PCDH9: variants seen among roughly 807,000 people sequenced by gnomAD.
PCDH9 encodes the protein protocadherin-9.
PCDH9 carries 24 observed loss-of-function variants against 70.6 expected under a neutral mutation model. The ratio of observed to expected loss-of-function variants is 0.34; its 90% CI spans 0.25 to 0.48. The LOEUF is 0.48. PCDH9 is among the 20% of genes least tolerant of loss of function. The pLI is 0.99. For synonymous variants in PCDH9, 562 were observed against 558.5 expected, an observed-to-expected ratio of 1.01 and a Z score of -0.09; for missense variants, 1,281 against 1,503.6, an observed-to-expected ratio of 0.85 and a Z score of 2.45.
At chr13:67,197,320 C>T (rs2089094191) in intron 2 of PCDH9, among the ~76,000 whole-genome samples, 1 of 151,850 alleles carries the variant, frequency 6.6e-6, no homozygotes, top group African/African-American at 2.4e-5. Flanking sequence ...GATAAGGAAG[C>T]TAAACTGTTT....
chr13:66,739,657 C>G (rs1229387808), intron 3 of PCDH9, among the ~76,000 whole-genome samples: 3 of 151,730 alleles, frequency 2.0e-5, no homozygotes, highest in Non-Finnish European at 4.4e-5. Flanking sequence ...ATCTACCAAG[C>G]AAATGGAAAA....
chr13:66,704,923 T>G (rs1458942461), intron 3 of PCDH9, among the ~76,000 whole-genome samples: 2 of 152,186 alleles, frequency 1.3e-5, no homozygotes, highest in East Asian at 3.8e-4. Context: ...TTTCTAATGC[T>G]AAACCCTTTA....
At chr13:66,899,974 A>T (rs1225603622) in intron 3 of PCDH9, among the ~76,000 whole-genome samples, 1 of 152,000 alleles carries the variant, frequency 6.6e-6, no homozygotes, top group East Asian at 1.9e-4. Flanking sequence ...TTACTCTGGG[A>T]TCAGTAATTC....
At position 67,076,465 on chromosome 13, in the gene PCDH9, G is replaced by A. The variant is rs535977058; in HGVS notation, c.3036+148940C>T. On this transcript the variant is annotated intron_variant, in intron 2 of 4. Transcript: ENST00000377865. Reference sequence around the variant, plus strand: ...AAGGGCTACTCAGCTAAAGAGAAGAGAGAAGTTTAAATCACAAGATTTGCA... The same window carrying A: ...AAGGGCTACTCAGCTAAAGAGAAGAAAGAAGTTTAAATCACAAGATTTGCA... 3.9e-5 allele frequency among the ~76,000 whole-genome samples: 6 copies of A among 152,274 alleles called. No individual in the cohort carries two copies. In the East Asian group the frequency reaches 9.6e-4, roughly 24 times the overall value.
intron 3 of PCDH9, among the ~76,000 whole-genome samples, chr13:66,705,516 T>C (rs2078700046): frequency 6.6e-6 from 1 of 152,186 alleles, no homozygotes; most frequent in Admixed American, 6.5e-5. Flanking sequence ...CCTCATCTAT[T>C]TTAGTAAGAG....
chr13:66,815,091 C>T (rs2080577934), intron 3 of PCDH9, among the ~76,000 whole-genome samples: 1 of 152,000 alleles, frequency 6.6e-6, no homozygotes, highest in Non-Finnish European at 1.5e-5. Context: ...CAAATAATCT[C>T]ATTCAAAAGT....
chr13:67,087,202 T>G (rs9592498), intron 2 of PCDH9, among the ~76,000 whole-genome samples: 28,571 of 151,782 alleles, frequency 0.19, 2,857 homozygotes, highest in Middle Eastern at 0.27. Flanking sequence ...TAAGGTCCTT[T>G]ACTACTGTAT....
chr13:67,068,400 G>A (rs1291678921), intron 2 of PCDH9, among the ~76,000 whole-genome samples: 2 of 152,082 alleles, frequency 1.3e-5, no homozygotes, highest in Admixed American at 1.3e-4. Flanking sequence ...GATATGTAAA[G>A]GTGCCTGAAA....
chr13:67,074,120 A>G (rs369550962), intron 2 of PCDH9, among the ~76,000 whole-genome samples: 26 of 149,750 alleles, frequency 1.7e-4, no homozygotes, highest in African/African-American at 5.9e-4. Flanking sequence ...CTATCTATCT[A>G]TCTGTCTATC....
intron 3 of PCDH9, among the ~76,000 whole-genome samples, chr13:66,860,703 C>A (rs572814730): frequency 1.3e-5 from 2 of 152,320 alleles, no homozygotes; most frequent in Non-Finnish European, 2.9e-5. Context: ...ACCTTAGAGA[C>A]TCATGGCACT....
intron 2 of PCDH9, among the ~76,000 whole-genome samples, chr13:67,066,674 A>T (rs996249465): frequency 6.6e-6 from 1 of 152,056 alleles, no homozygotes; most frequent in Non-Finnish European, 1.5e-5. Flanking sequence ...TTCATACAGA[A>T]TTTTTTTTAT....
chr13:67,200,584 C>T (rs2138050164), intron 2 of PCDH9, among the ~76,000 whole-genome samples: 1 of 152,180 alleles, frequency 6.6e-6, no homozygotes, highest in South Asian at 2.1e-4. Context: ...AAGTAATGTA[C>T]TGCAAACTTT....
In PCDH9 at chr13:67,097,273, T is replaced by A. The variant is rs547302417; in HGVS notation, c.3036+128132A>T. Among the ~76,000 whole-genome samples, 5 of 151,868 alleles carry A rather than the reference T, an allele frequency of 3.3e-5. No homozygotes were observed. In the East Asian group the frequency reaches 9.7e-4, roughly 29 times the overall value. On this transcript the variant is annotated intron_variant, in intron 2 of 4. Transcript: ENST00000377865. ...CGTGTTTCAAAAAAAAAGCAAAAAATTCAAAATCGAAATAATTTAAAAATA... is the reference window on the plus strand; with the variant it reads ...CGTGTTTCAAAAAAAAAGCAAAAAAATCAAAATCGAAATAATTTAAAAATA...
intron 3 of PCDH9, among the ~76,000 whole-genome samples, chr13:66,861,678 C>T (rs2081487212): frequency 6.6e-6 from 1 of 152,142 alleles, no homozygotes; most frequent in South Asian, 2.1e-4. Context: ...CTCCAGTGGG[C>T]CATGTTGCTT....
At position 66,696,177 on chromosome 13, in the gene PCDH9, A is replaced by G. The variant is rs1286049188; in HGVS notation, c.3139-64766T>C. On this transcript the variant is annotated intron_variant, in intron 3 of 4. Coordinates refer to ENST00000377865, the MANE Select transcript of PCDH9 (RefSeq NM_203487.3). ...AATTAGAATTATACTGTAAGTGATG[A>G]GTGAATATGATGAATTTTTTAAAAA... is the stretch of plus-strand genomic sequence containing the variant. Among the ~76,000 whole-genome samples the G allele has an allele frequency of 2.0e-5, 3 of 152,152 alleles. No homozygotes were observed. In the East Asian group the frequency reaches 5.8e-4, roughly 29 times the overall value.
chr13:66,621,562 T>C (rs946487443), intron 4 of PCDH9, among the ~76,000 whole-genome samples: 3 of 152,224 alleles, frequency 2.0e-5, no homozygotes, highest in Non-Finnish European at 4.4e-5. Flanking sequence ...ATATGAGTTT[T>C]ATTGTAGACT....
intron 4 of PCDH9, among the ~76,000 whole-genome samples, chr13:66,454,468 G>C (rs773995724): frequency 6.6e-6 from 1 of 152,144 alleles, no homozygotes; most frequent in Non-Finnish European, 1.5e-5. Context: ...CAATCATAGG[G>C]AATATGCAAA....
Position 67,147,780 on chromosome 13 carries a change from G to A in PCDH9, c.3036+77625C>T, listed in dbSNP as rs111856306. The stretch of plus-strand genomic sequence containing the variant: ...TATACATTCCCTCAATGAGTATCAG[G>A]AGAATGCCTTTGCAGATAAATTGCT... On this transcript the variant is annotated intron_variant, in intron 2 of 4. Transcript: ENST00000377865. Among the ~76,000 whole-genome samples the A allele has an allele frequency of 6.2e-3, 946 of 152,230 alleles. 10 individuals are homozygous for A. Among genetic ancestry groups the A allele is most frequent in the African/African-American group, 0.022 (911 of 41,526 alleles).
intron 4 of PCDH9, among the ~76,000 whole-genome samples, chr13:66,592,481 A>G (rs2077050825): frequency 6.6e-6 from 1 of 151,822 alleles, no homozygotes; most frequent in South Asian, 2.1e-4. Context: ...AGCAAAAGAA[A>G]TTAACTTAAT....
Sources: gnomAD v4.1 joint callset for allele counts (sites outside exome capture counted in the v4.1 genomes callset) on GRCh38, gnomAD v4.1.1 for gene constraint, MANE v1.5 for transcripts, NCBI Gene and HGNC (gene_info 2026-07-23, HGNC 2026-07-21) for gene names.